The following FHIT variants were observed in gnomAD, a reference collection of about 807,000 sequenced individuals.
FHIT encodes the protein bis(5'-adenosyl)-triphosphatase.
Under a neutral mutation model 17.9 loss-of-function variants are expected in FHIT, and 19 were observed. The ratio of observed to expected loss-of-function variants is 1.06; its 90% CI spans 0.74 to 1.56. The LOEUF (loss-of-function observed/expected upper bound fraction) is 1.56, where lower values mean the gene tolerates loss of function less well. FHIT is among the 40% of genes most tolerant of loss of function. FHIT has a pLI of 0.00. For synonymous variants in FHIT, 81 were observed against 69.7 expected, an observed-to-expected ratio of 1.16 and a Z score of -0.81; for missense variants, 248 against 189.2, an observed-to-expected ratio of 1.31 and a Z score of -1.82.
At position 59,800,928 on chromosome 3, in the gene FHIT, C is replaced by T. The variant is rs576780197; in HGVS notation, c.349-48607G>A. ...CTCTGTCTCTGGAGCTCTTTTTTAT[C>T]AGCTCGTGAAATTCCCAAGGATCCT... On this transcript the variant is annotated intron_variant, in intron 8 of 9. Transcript: ENST00000492590. 1.1e-3 allele frequency among the ~76,000 whole-genome samples: 164 copies of T among 152,272 alleles called. 6 individuals carry two copies. The highest frequency in any genetic ancestry group is 7.2e-4 in the Admixed American group (11 of 15,304).
At chr3:60,118,706 G>A (rs1366085144) in intron 5 of FHIT, among the ~76,000 whole-genome samples, 1 of 125,922 alleles carries the variant, frequency 7.9e-6, no homozygotes, top group African/African-American at 2.9e-5. Context: ...CTAGAAGTTA[G>A]TAAATATTAA....
chr3:60,299,135 G>A (rs540327701), intron 5 of FHIT, among the ~76,000 whole-genome samples: 8 of 152,192 alleles, frequency 5.3e-5, no homozygotes, highest in Admixed American at 3.3e-4. Context: ...AGAGTCAGCC[G>A]TGACGATCCT....
chr3:59,841,520 C>G (rs895468537), intron 8 of FHIT, among the ~76,000 whole-genome samples: 2 of 152,126 alleles, frequency 1.3e-5, no homozygotes, highest in Admixed American at 1.3e-4. Flanking sequence ...CAATAATGAA[C>G]CCAGGGCTCC....
chr3:60,582,092 CT>C (rs1559556742), intron 4 of FHIT, among the ~76,000 whole-genome samples: 1 of 151,954 alleles, frequency 6.6e-6, no homozygotes, highest in Non-Finnish European at 1.5e-5. Flanking sequence ...GGAGGCTGCA[CT>C]TTGGAATCAA....
chr3:60,447,380 TA>T, intron 5 of FHIT, among the ~76,000 whole-genome samples: 1 of 152,272 alleles, frequency 6.6e-6, no homozygotes, highest in Middle Eastern at 3.4e-3. Flanking sequence ...AATTCAAATT[TA>T]AACTTAATCC....
At chr3:60,981,719 C>G (rs1423500276) in intron 3 of FHIT, among the ~76,000 whole-genome samples, 2 of 151,956 alleles carry the variant, frequency 1.3e-5, no homozygotes. Flanking sequence ...GGTGAGCCTC[C>G]CTTCTCAGTC....
chr3:59,803,987 A>C (rs964690601), intron 8 of FHIT, among the ~76,000 whole-genome samples: 6 of 152,220 alleles, frequency 3.9e-5, no homozygotes, highest in African/African-American at 1.4e-4. Flanking sequence ...CGCCAACATA[A>C]TACTTGGGGC....
intron 8 of FHIT, among the ~76,000 whole-genome samples, chr3:59,790,200 G>A (rs1699489290): frequency 1.3e-5 from 2 of 152,204 alleles, no homozygotes. Flanking sequence ...TTTAAAAGCA[G>A]CATTTCCAGA....
intron 4 of FHIT, among the ~76,000 whole-genome samples, chr3:60,589,972 T>C (rs1255965065): frequency 6.6e-6 from 1 of 152,028 alleles, no homozygotes; most frequent in East Asian, 1.9e-4. Context: ...TTACAAACTT[T>C]AGTTTCTGGG....
chr3:60,909,627 T>C (rs782703103), intron 3 of FHIT, among the ~76,000 whole-genome samples: 4 of 152,270 alleles, frequency 2.6e-5, no homozygotes, highest in Non-Finnish European at 2.9e-5. Context: ...CTAAAGGATG[T>C]GGAAAGACAA....
At chr3:60,108,257 G>A (rs1704513733) in intron 5 of FHIT, among the ~76,000 whole-genome samples, 1 of 152,168 alleles carries the variant, frequency 6.6e-6, no homozygotes. Context: ...GAATTGACTA[G>A]ACAGATGGGA....
chr3:61,080,548 C>T (rs1678937021), intron 2 of FHIT, among the ~76,000 whole-genome samples: 1 of 151,928 alleles, frequency 6.6e-6, no homozygotes, highest in Admixed American at 6.6e-5. Context: ...AGAAAAATTG[C>T]CCAGAGACAA....
At chr3:60,683,642 T>C (rs1553697552) in intron 4 of FHIT, among the ~76,000 whole-genome samples, 1 of 152,204 alleles carries the variant, frequency 6.6e-6, no homozygotes, top group East Asian at 1.9e-4. Context: ...AATATTCACT[T>C]TATTGTGATG....
At chr3:60,107,891 G>C (rs1382982342) in intron 5 of FHIT, among the ~76,000 whole-genome samples, 1 of 152,128 alleles carries the variant, frequency 6.6e-6, no homozygotes, top group South Asian at 2.1e-4. Flanking sequence ...GAATAGTGTT[G>C]ACAGTCTAAA....
chr3:60,958,582 T>C (rs1319922849), intron 3 of FHIT, among the ~76,000 whole-genome samples: 2 of 152,218 alleles, frequency 1.3e-5, no homozygotes, highest in African/African-American at 4.8e-5. Flanking sequence ...TGAAAAATAG[T>C]TGCAATGTTC....
intron 4 of FHIT, among the ~76,000 whole-genome samples, chr3:60,543,501 T>C (rs1255104074): frequency 6.6e-6 from 1 of 152,242 alleles, no homozygotes; most frequent in Non-Finnish European, 1.5e-5. Context: ...AATACCATAA[T>C]AAAACTCTTG....
intron 5 of FHIT, among the ~76,000 whole-genome samples, chr3:60,488,818 C>A (rs1358714545): frequency 6.6e-6 from 1 of 152,166 alleles, no homozygotes; most frequent in East Asian, 1.9e-4. Context: ...GACCAGTTAT[C>A]TAACAGCCAG....
At position 60,964,688 on chromosome 3, in the gene FHIT, C is replaced by A. The variant is rs192229824; in HGVS notation, c.-111+77359G>T. On this transcript the variant is annotated intron_variant, in intron 3 of 9. Transcript: ENST00000492590. ...AAAGGATTTTATTTCTCCTTCACTT[C>A]TGAAGCTTAGTTTGGCTGGATATGA... Among the ~76,000 whole-genome samples, 663 of 152,252 alleles carry A rather than the reference C, an allele frequency of 4.4e-3. 4 individuals are homozygous for A. The highest frequency in any genetic ancestry group is 0.014 in the African/African-American group (594 of 41,554).
intron 5 of FHIT, among the ~76,000 whole-genome samples, chr3:60,051,157 T>G (rs212045): frequency 0.61 from 93,249 of 151,740 alleles, 29,847 homozygotes; most frequent in East Asian, 0.79. Context: ...TAGGGGAAGG[T>G]TGGGCCTCTC....
Sources: gnomAD v4.1 joint callset for allele counts (sites outside exome capture counted in the v4.1 genomes callset) on GRCh38, gnomAD v4.1.1 for gene constraint, MANE v1.5 for transcripts, NCBI Gene and HGNC (gene_info 2026-07-23, HGNC 2026-07-21) for gene names.